Variants in RBM14 observed in about 807,000 individuals in gnomAD.
RBM14 encodes RNA binding motif protein 14.
In RBM14, 5 loss-of-function variants were observed where a neutral mutation model predicts 52.8. The ratio of observed to expected loss-of-function variants is 0.09; its 90% CI spans 0.05 to 0.20. The LOEUF (loss-of-function observed/expected upper bound fraction) is 0.20, where lower values mean the gene tolerates loss of function less well. Among genes scored for constraint, RBM14 ranks in the 10% least tolerant of loss-of-function variants. The pLI, the probability that RBM14 is intolerant of heterozygous loss-of-function variation, is 1.00. For missense variants in RBM14, 780 were observed against 926.6 expected, an observed-to-expected ratio of 0.84 and a Z score of 2.05; for synonymous variants, 411 against 401.8, an observed-to-expected ratio of 1.02 and a Z score of -0.28.
In RBM14 at chr11:66,627,425, GCAGT is replaced by G. The variant is rs1937868102; in HGVS notation, c.*761_*764del. 1 of 152,204 alleles carries G rather than the reference GCAGT, an allele frequency of 6.6e-6. No individual in the cohort carries two copies. Among genetic ancestry groups the G allele is most frequent in the Non-Finnish European group, 1.5e-5 (1 of 68,032 alleles). The allele number at this position is 152,204 out of a possible 1,614,324, so 9.4% of individuals were successfully genotyped here. A position where few individuals can be genotyped will look rare whatever the true frequency, so the allele number is the denominator to read the frequency against. ...GGAAGACATGATAGCTAAAGGGAAGGCAGTCAGAGAACCCAGGACTGGTGAGGAA... is the reference window on the plus strand; with the variant it reads ...GGAAGACATGATAGCTAAAGGGAAGGCAGAGAACCCAGGACTGGTGAGGAA... On this transcript the variant is annotated 3_prime_UTR_variant, in exon 3 of 3. Coordinates refer to ENST00000310137, the MANE Select transcript of RBM14 (RefSeq NM_006328.4).
At chr11:66,617,200 G>C in intron 1 of RBM14, 143 bp downstream of exon 1, 2 of 1,437,116 alleles carry the variant, frequency 1.4e-6, no homozygotes, top group Non-Finnish European at 1.8e-6. Flanking sequence ...TTGGGGGCGC[G>C]TTGGGTAGAG....
Position 66,625,358 on chromosome 11 carries a change from C to T in RBM14, c.1482C>T (p.Ala494=). The change falls in exon 2 of 3, where the codon GCC becomes GCT. Residue 494 remains alanine, a synonymous_variant. Transcript: ENST00000310137. The surrounding 1 kb of genome is among the most constrained non-coding windows in gnomAD (Gnocchi z 4.2). ...GSYGAQSAAA[A]TGSYGAAAAY... is the part of the protein sequence containing the mutation. ...ATGGGGCTCAGTCGGCTGCTGCGGC[C>T]ACTGGCTCCTATGGTGCCGCAGCAG... 6.2e-7 allele frequency: 1 copy of T among 1,606,662 alleles called. No homozygotes were observed. The highest frequency in any genetic ancestry group is 8.5e-7 in the Non-Finnish European group (1 of 1,177,806).
intron 1 of RBM14, among the ~76,000 whole-genome samples, chr11:66,621,538 C>T (rs530535079): frequency 3.3e-5 from 5 of 151,936 alleles, no homozygotes; most frequent in Non-Finnish European, 7.4e-5. Context: ...CCACCACAGC[C>T]GGCTAATTTA....
In RBM14 at chr11:66,625,541, T is replaced by C; in HGVS notation, c.1665T>C (p.Ser555=). The change falls in exon 2 of 3, where the codon TCT becomes TCC. Residue 555 remains serine, a synonymous_variant. Transcript: ENST00000310137. The surrounding 1 kb of genome is among the most constrained non-coding windows in gnomAD (Gnocchi z 4.2). The part of the protein sequence containing the change: ...GNAYDGAGQP[S]AAYLSMSQGA... ...CCTACGATGGGGCAGGTCAGCCGTC[T>C]GCAGCCTACCTGTCCATGTCCCAGG... The C allele has an allele frequency of 6.2e-7, 1 of 1,612,692 alleles. No individual in the cohort carries two copies. Among genetic ancestry groups the C allele is most frequent in the Non-Finnish European group, 8.5e-7 (1 of 1,179,606 alleles).
At position 66,628,407 on chromosome 11, in the gene RBM14, C is replaced by G. The variant is rs747738265; in HGVS notation, c.*1739C>G. On this transcript the variant is annotated 3_prime_UTR_variant, in exon 3 of 3. Coordinates refer to ENST00000310137, the MANE Select transcript of RBM14 (RefSeq NM_006328.4). ...TATCTTCTGCCTCCTTCACTGGCTTCATGTGAACTTGCCTGTGACAGAATA... is the reference window on the plus strand; with the variant it reads ...TATCTTCTGCCTCCTTCACTGGCTTGATGTGAACTTGCCTGTGACAGAATA... 1.3e-5 allele frequency among the ~76,000 whole-genome samples: 2 copies of G among 152,194 alleles called. No homozygotes were observed. The highest frequency in any genetic ancestry group is 2.9e-5 in the Non-Finnish European group (2 of 68,038).
rs1266505219 is a variant in RBM14 at position 66,626,485 on chromosome 11, C to T, written c.1827C>T (p.Ala609=). ...SKRYGSDRRL[A]ELSDYRRLSE... Reference sequence around the variant, plus strand: ...GGTATGGTTCCGACCGGCGTTTAGCCGAGCTCTCTGATTACCGCCGTTTAT... The same window carrying T: ...GGTATGGTTCCGACCGGCGTTTAGCTGAGCTCTCTGATTACCGCCGTTTAT... Residue 609 remains alanine, a synonymous_variant, in exon 3 of 3, where the codon GCC becomes GCT. Coordinates refer to ENST00000310137, the MANE Select transcript of RBM14 (RefSeq NM_006328.4). 10 of 1,613,610 alleles carry T rather than the reference C, an allele frequency of 6.2e-6. No individual in the cohort carries two copies. The highest frequency in any genetic ancestry group is 8.5e-6 in the Non-Finnish European group (10 of 1,179,972).
intron 1 of RBM14, among the ~76,000 whole-genome samples, chr11:66,621,970 A>G (rs1017770670): frequency 4.0e-5 from 6 of 151,808 alleles, no homozygotes; most frequent in African/African-American, 1.5e-4. Context: ...GCTGGAGTGC[A>G]GTGATCTTGG....
At chr11:66,618,435 C>T (rs1320567901) in intron 1 of RBM14, 5 of 714,818 alleles carry the variant, frequency 7.0e-6, no homozygotes, top group Non-Finnish European at 1.3e-5. Flanking sequence ...GTCATAGTGT[C>T]CACTACTAGG....
In RBM14 at chr11:66,616,637, A is replaced by T; in HGVS notation, c.-84A>T. 6.8e-7 allele frequency: 1 copy of T among 1,469,180 alleles called. No homozygotes were observed. The highest frequency in any genetic ancestry group is 2.4e-5 in the East Asian group (1 of 40,884). The allele number at this position is 1,469,180 out of a possible 1,614,324, so 91.0% of individuals were successfully genotyped here. A position where few individuals can be genotyped will look rare whatever the true frequency, so the allele number is the denominator to read the frequency against. On this transcript the variant is annotated 5_prime_UTR_variant, in exon 1 of 3. Coordinates refer to ENST00000310137, the MANE Select transcript of RBM14 (RefSeq NM_006328.4). ...GGTTCTCGGTCGCCAGCCATTCCTGAGGAGGACTGCCGGTCGTTCGGACGT... is the reference window on the plus strand; with the variant it reads ...GGTTCTCGGTCGCCAGCCATTCCTGTGGAGGACTGCCGGTCGTTCGGACGT...
intron 1 of RBM14, chr11:66,617,586 C>T (rs1311536209): frequency 2.0e-6 from 2 of 987,204 alleles, no homozygotes; most frequent in African/African-American, 3.5e-5. Context: ...GGGCTGGGGT[C>T]TTTTAGTCTT....
At chr11:66,618,542 G>T (rs1858951902) in intron 1 of RBM14, 1 of 717,496 alleles carries the variant, frequency 1.4e-6, no homozygotes, top group East Asian at 2.7e-5. Flanking sequence ...CCTGCTGGGT[G>T]CTCTGAGGCA....
In RBM14 at chr11:66,628,514, C is replaced by CTGA. The variant is rs1937918445; in HGVS notation, c.*1847_*1848insGAT. 6.6e-6 allele frequency among the ~76,000 whole-genome samples: 1 copy of CTGA among 151,690 alleles called. No individual in the cohort carries two copies. Among genetic ancestry groups the CTGA allele is most frequent in the African/African-American group, 2.4e-5 (1 of 41,300 alleles). Reference sequence around the variant, plus strand: ...GACCGTGAGTTCTTATTTGTGGATGCTAACTGGGGTAATCTCAGGGAGTAC... The same window carrying CTGA: ...GACCGTGAGTTCTTATTTGTGGATGCTGATAACTGGGGTAATCTCAGGGAGTAC... On this transcript the variant is annotated 3_prime_UTR_variant, in exon 3 of 3. Transcript: ENST00000310137.
At chr11:66,620,445 C>G (rs1223015048) in intron 1 of RBM14, among the ~76,000 whole-genome samples, 1 of 151,876 alleles carries the variant, frequency 6.6e-6, no homozygotes, top group African/African-American at 2.4e-5. Context: ...GTAGCTGGGT[C>G]TACAGGCCAC....
Position 66,625,653 on chromosome 11 carries a change from A to C in RBM14, c.1777A>C (p.Lys593Gln), listed in dbSNP as rs751309700. ...CCGGGCCAGCTACGACGATCCCTAC[A>C]AAAAGGCTGTCGCCATGTCGAAAAG... Reference protein sequence around the residue: ...PPRASYDDPYKKAVAMSKRYG... With the variant: ...PPRASYDDPYQKAVAMSKRYG... The change falls in exon 2 of 3, where the codon AAA becomes CAA. Residue 593 changes from lysine to glutamine, a missense_variant. Lys to Gln is a moderately conservative substitution (Grantham distance 53). This residue lies in a region of RBM14 where 675 missense variants were observed against 697.3 expected (regional missense o/e 0.97). Coordinates refer to ENST00000310137, the MANE Select transcript of RBM14 (RefSeq NM_006328.4). This position sits in a 1 kb window ranked among gnomAD's most constrained non-coding sequence, Gnocchi z 4.2. The C allele has an allele frequency of 5.6e-6, 9 of 1,612,034 alleles. No individual in the cohort carries two copies. Among genetic ancestry groups the C allele is most frequent in the Non-Finnish European group, 7.6e-6 (9 of 1,179,900 alleles).
chr11:66,625,580 C>A lies in RBM14; in HGVS notation c.1704C>A (p.Asn568Lys), dbSNP rs780341248. ...YLSMSQGAVA[N>K]ANSTPPPYER... The stretch of plus-strand genomic sequence containing the variant: ...CCATGTCCCAGGGGGCCGTTGCCAA[C>A]GCCAACAGCACCCCGCCGCCCTATG... Residue 568 changes from asparagine to lysine, a missense_variant, in exon 2 of 3, where the codon AAC becomes AAA. Transcript: ENST00000310137. This position sits in a 1 kb window ranked among gnomAD's most constrained non-coding sequence, Gnocchi z 4.2. 1.2e-6 allele frequency: 2 copies of A among 1,611,804 alleles called. No individual in the cohort carries two copies. The highest frequency in any genetic ancestry group is 1.7e-6 in the Non-Finnish European group (2 of 1,179,752).
In RBM14 at chr11:66,626,496, A is replaced by C; in HGVS notation, c.1838A>C (p.Asp613Ala). The C allele has an allele frequency of 3.1e-6, 5 of 1,613,760 alleles. No individual in the cohort carries two copies. The highest frequency in any genetic ancestry group is 4.2e-6 in the Non-Finnish European group (5 of 1,179,992). The change falls in exon 3 of 3, where the codon GAT (aspartate) becomes GCT (alanine). Residue 613 changes from aspartate (D) to alanine (A), a missense_variant. By Grantham distance (126) the Asp-to-Ala change is moderately radical (BLOSUM62 -2). Coordinates refer to ENST00000310137, the MANE Select transcript of RBM14 (RefSeq NM_006328.4). ...GACCGGCGTTTAGCCGAGCTCTCTG[A>C]TTACCGCCGTTTATCAGAGTCGCAG... ...GSDRRLAELS[D>A]YRRLSESQLS...
chr11:66,623,243 C>T (rs1447001644), intron 1 of RBM14, among the ~76,000 whole-genome samples: 1 of 152,104 alleles, frequency 6.6e-6, no homozygotes, highest in Non-Finnish European at 1.5e-5. Flanking sequence ...TACCTCTGTC[C>T]CTTAAAGAGG....
In RBM14 at chr11:66,626,524, T is replaced by G; in HGVS notation, c.1866T>G (p.Leu622=). Residue 622 remains leucine (L), a synonymous_variant, in exon 3 of 3, where the codon CTT becomes CTG. Coordinates refer to ENST00000310137, the MANE Select transcript of RBM14 (RefSeq NM_006328.4). ...SDYRRLSESQ[L]SFRRSPTKSS... ...ACCGCCGTTTATCAGAGTCGCAGCT[T>G]TCGTTCCGCCGCTCGCCGACAAAGT... The G allele has an allele frequency of 6.2e-7, 1 of 1,613,966 alleles. No homozygotes were observed. The highest frequency in any genetic ancestry group is 8.5e-7 in the Non-Finnish European group (1 of 1,180,020).
intron 1 of RBM14, among the ~76,000 whole-genome samples, chr11:66,622,846 G>A (rs1046408751): frequency 1.3e-5 from 2 of 152,160 alleles, no homozygotes; most frequent in Non-Finnish European, 2.9e-5. Context: ...TTAAGCTGAT[G>A]TGACAGATAG....
Sources: allele counts gnomAD v4.1 joint callset (sites outside exome capture counted in the v4.1 genomes callset), GRCh38; gene constraint gnomAD v4.1.1; regional missense constraint gnomAD v4.1.1; non-coding constraint Gnocchi (gnomAD v3.1); transcripts MANE v1.5; gene names NCBI Gene and HGNC (gene_info 2026-07-23, HGNC 2026-07-21).